KLRG1: variants seen among roughly 807,000 people sequenced by gnomAD.
The protein encoded by KLRG1 is killer cell lectin-like receptor subfamily G member 1.
In KLRG1, 16 loss-of-function variants were observed where a neutral mutation model predicts 21.8. That is an observed-to-expected ratio of 0.73 (90% CI 0.50 to 1.11). The LOEUF (loss-of-function observed/expected upper bound fraction) is 1.11. KLRG1 is among the 50% of genes most tolerant of loss of function. The pLI is 0.00. For synonymous variants in KLRG1, 69 were observed against 75.9 expected, an observed-to-expected ratio of 0.91 and a Z score of 0.47; for missense variants, 173 against 218.3, an observed-to-expected ratio of 0.79 and a Z score of 1.31.
At chr12:9,021,340 A>G in the KLRG1 span, among the ~76,000 whole-genome samples, 2 of 152,104 alleles carry the variant, frequency 1.3e-5, no homozygotes, top group Non-Finnish European at 2.9e-5. Flanking sequence ...AAATAACCTT[A>G]GCTTACTGTA....
chr12:9,095,410 G>C, the KLRG1 span: 2 of 859,264 alleles, frequency 2.3e-6, no homozygotes, highest in African/African-American at 3.6e-5. Context: ...TATTAGTAGA[G>C]AAGCCACTTA....
At chr12:9,159,290 C>T in the KLRG1 span, among the ~76,000 whole-genome samples, 2 of 152,038 alleles carry the variant, frequency 1.3e-5, no homozygotes, top group African/African-American at 2.4e-5. Context: ...TCAATTTTGC[C>T]ACTTATTAGA....
At chr12:9,177,977 G>T in the KLRG1 span, among the ~76,000 whole-genome samples, 1 of 152,092 alleles carries the variant, frequency 6.6e-6, no homozygotes, top group African/African-American at 2.4e-5. Flanking sequence ...TCTTGTTTTG[G>T]GTTAACTTCT....
the KLRG1 span, chr12:9,192,787 A>G: frequency 7.5e-7 from 1 of 1,334,424 alleles, no homozygotes; most frequent in Non-Finnish European, 1.1e-6. Flanking sequence ...GAAATTCTTC[A>G]CCTTAGCTTC....
the KLRG1 span, chr12:9,067,999 G>A: frequency 1.0e-6 from 1 of 961,570 alleles, no homozygotes; most frequent in South Asian, 1.5e-5. Context: ...GCAATCCTAT[G>A]GACTCTCTGA....
chr12:9,197,620 A>T, the KLRG1 span, among the ~76,000 whole-genome samples: 6 of 87,024 alleles, frequency 6.9e-5, no homozygotes, highest in Admixed American at 2.1e-4. Flanking sequence ...TTATATATTT[A>T]TATATTATAT....
At chr12:8,951,139 GTGTGTATTTCCTTCATGAATA>G (rs1321639296) in intron 1 of KLRG1, among the ~76,000 whole-genome samples, 1 of 152,164 alleles carries the variant, frequency 6.6e-6, no homozygotes, top group East Asian at 1.9e-4. Flanking sequence ...CACCAGGAGG[GTGTGTATTTCCTTCATGAATA>G]TATGTTGTTT....
At position 8,960,753 on chromosome 12, in the gene KLRG1, T is replaced by G. The variant is rs367843265; in HGVS notation, c.-156+10517T>G. 8.1e-4 allele frequency among the ~76,000 whole-genome samples: 124 copies of G among 152,336 alleles called. 1 individual carries two copies. Among genetic ancestry groups the G allele is most frequent in the African/African-American group, 2.9e-3 (121 of 41,592 alleles). The stretch of plus-strand genomic sequence containing the variant: ...TGGGGCCAAGGGCAGATTTGTTTAT[T>G]GTCCAGTATAATAAAGGTCATGTAT... On this transcript the variant is annotated intron_variant, in intron 1 of 4. Transcript: ENST00000539240.
chr12:8,957,005 C>A (rs1212171108), intron 1 of KLRG1, among the ~76,000 whole-genome samples: 1 of 152,210 alleles, frequency 6.6e-6, no homozygotes, highest in Non-Finnish European at 1.5e-5. Context: ...TGGGTGGAGC[C>A]AGCCCAGTGG....
intron 1 of KLRG1, among the ~76,000 whole-genome samples, chr12:8,954,091 CT>C (rs774523157): frequency 2.0e-5 from 3 of 152,094 alleles, no homozygotes; most frequent in Non-Finnish European, 4.4e-5. Flanking sequence ...GAATTCTTTA[CT>C]TTCAGGCACA....
chr12:9,200,292 A>G, the KLRG1 span: 13 of 1,019,994 alleles, frequency 1.3e-5, no homozygotes, highest in East Asian at 3.1e-4. Flanking sequence ...GTAAATTTAT[A>G]ATTTTGTACC....
chr12:9,192,470 C>G, the KLRG1 span: 2 of 1,561,176 alleles, frequency 1.3e-6, no homozygotes, highest in Middle Eastern at 1.7e-4. Context: ...CACTTTTGTC[C>G]TACTGATAAG....
At chr12:9,027,950 T>C in the KLRG1 span, 1 of 926,662 alleles carries the variant, frequency 1.1e-6, no homozygotes, top group South Asian at 1.3e-5. Flanking sequence ...GCTTTGACAG[T>C]GCTTTCCTAA....
At chr12:9,155,534 T>C in the KLRG1 span, among the ~76,000 whole-genome samples, 5 of 152,156 alleles carry the variant, frequency 3.3e-5, no homozygotes, top group East Asian at 3.9e-4. Context: ...TACTCAGAAA[T>C]AGTTTCCACT....
chr12:9,163,812 C>T, the KLRG1 span: 1 of 1,605,992 alleles, frequency 6.2e-7, no homozygotes, highest in African/African-American at 1.3e-5. Context: ...ATATTGAAAA[C>T]ATGAGTATCC....
the KLRG1 span, among the ~76,000 whole-genome samples, chr12:9,016,892 G>A: frequency 6.6e-6 from 1 of 152,092 alleles, no homozygotes; most frequent in Non-Finnish European, 1.5e-5. Flanking sequence ...GGTATTACAG[G>A]CGTGAAACAC....
the KLRG1 span, among the ~76,000 whole-genome samples, chr12:9,062,726 TTATAG>T: frequency 6.8e-6 from 1 of 148,034 alleles, no homozygotes; most frequent in South Asian, 2.1e-4. Flanking sequence ...ATATTTTATA[TTATAG>T]TATATTATCA....
At chr12:9,174,225 A>C in the KLRG1 span, among the ~76,000 whole-genome samples, 1 of 152,290 alleles carries the variant, frequency 6.6e-6, no homozygotes, top group African/African-American at 2.4e-5. Context: ...AAAGACAAAA[A>C]CCACATGGTT....
At chr12:9,047,504 A>C in the KLRG1 span, among the ~76,000 whole-genome samples, 1 of 152,258 alleles carries the variant, frequency 6.6e-6, no homozygotes, top group Admixed American at 6.5e-5. Context: ...GGCAAAGAAC[A>C]AGGGAAATGA....
Sources: gnomAD v4.1 joint callset for allele counts (sites outside exome capture counted in the v4.1 genomes callset) on GRCh38, gnomAD v4.1.1 for gene constraint, MANE v1.5 for transcripts, NCBI Gene and HGNC (gene_info 2026-07-23, HGNC 2026-07-21) for gene names.